Variants in LYPD8 observed in about 807,000 individuals in gnomAD.
The protein encoded by LYPD8 is LY6/PLAUR domain containing 8.
LYPD8 carries 8 observed loss-of-function variants against 1.7 expected under a neutral mutation model. That is an observed-to-expected ratio of 4.58 (90% CI 2.69 to 8.27). The LOEUF (loss-of-function observed/expected upper bound fraction) is 8.27, where lower values mean the gene tolerates loss of function less well. LYPD8 is among the 30% of genes most tolerant of loss of function. The pLI is 0.00. For missense variants in LYPD8, 112 were observed against 102.3 expected, an observed-to-expected ratio of 1.09 and a Z score of -0.41; for synonymous variants, 50 against 43.6, an observed-to-expected ratio of 1.15 and a Z score of -0.58.
rs1163187567 is a variant in LYPD8 at position 248,753,061 on chromosome 1, C to A, written c.-49-1931G>T. Among the ~76,000 whole-genome samples the A allele has an allele frequency of 1.9e-3, 188 of 98,324 alleles. 4 individuals are homozygous for A. The highest frequency in any genetic ancestry group is 8.2e-3 in the African/African-American group (180 of 21,996). The allele number at this position is 98,324 out of a possible 152,430, so 64.5% of individuals were successfully genotyped here. ...CCACACACACATCACACACACACCC[C>A]ACACACCCCACACACCCCACACCAC... On this transcript the variant is annotated intron_variant, in intron 2 of 6. Transcript: ENST00000590317.
At chr1:248,741,076 T>G (rs1553283289) in intron 6 of LYPD8, among the ~76,000 whole-genome samples, 2 of 152,072 alleles carry the variant, frequency 1.3e-5, no homozygotes, top group Non-Finnish European at 2.9e-5. Context: ...ATCGCACCCC[T>G]GCATTCCGGC....
intron 2 of LYPD8, among the ~76,000 whole-genome samples, chr1:248,752,891 CA>C (rs1662838219): frequency 6.1e-5 from 6 of 99,052 alleles, no homozygotes; most frequent in African/African-American, 9.3e-5. Flanking sequence ...ACAACACATA[CA>C]CACATCACAC....
chr1:248,743,170 T>C (rs1662648267), intron 6 of LYPD8, among the ~76,000 whole-genome samples: 1 of 151,994 alleles, frequency 6.6e-6, no homozygotes, highest in Non-Finnish European at 1.5e-5. Context: ...AAAAACAGTA[T>C]AAAGAGGTTC....
At chr1:248,746,026 A>C (rs1388711434) in intron 5 of LYPD8, among the ~76,000 whole-genome samples, 2 of 152,246 alleles carry the variant, frequency 1.3e-5, no homozygotes, top group East Asian at 1.9e-4. Context: ...GTCTTTTATT[A>C]AGTCAGAAAC....
intron 6 of LYPD8, among the ~76,000 whole-genome samples, chr1:248,740,936 C>T (rs1553283274): frequency 6.6e-6 from 1 of 152,172 alleles, no homozygotes; most frequent in Non-Finnish European, 1.5e-5. Context: ...TGAGACCAGA[C>T]TGGGAAACAT....
At chr1:248,743,856 G>T (rs1019598466) in intron 6 of LYPD8, among the ~76,000 whole-genome samples, 6 of 152,210 alleles carry the variant, frequency 3.9e-5, no homozygotes, top group Admixed American at 2.6e-4. Context: ...CCCGGTGAGT[G>T]GGGGCCAGAG....
chr1:248,753,742 C>T (rs1662876837), intron 2 of LYPD8, among the ~76,000 whole-genome samples: 1 of 146,044 alleles, frequency 6.8e-6, no homozygotes, highest in African/African-American at 2.5e-5. Flanking sequence ...ACACCACAGC[C>T]CCCACACAAC....
Position 248,745,263 on chromosome 1 carries a change from G to A in LYPD8, c.354C>T (p.Asn118=), listed in dbSNP as rs1342573437. Reference sequence around the variant, plus strand: ...CAGGGCACTCTGCGTTGCTGGACACGTTCTTCAGGGGAGGGTCTGGAAGAG... The same window carrying A: ...CAGGGCACTCTGCGTTGCTGGACACATTCTTCAGGGGAGGGTCTGGAAGAG... ...TSDALDPPLK[N]VSSNAECPAC... is the part of the protein sequence containing the mutation. Residue 118 remains asparagine (N), a synonymous_variant, in exon 6 of 7, where the codon AAC becomes AAT. Transcript: ENST00000590317. The A allele has an allele frequency of 2.8e-5, 11 of 398,456 alleles. No individual in the cohort carries two copies. Among genetic ancestry groups the A allele is most frequent in the East Asian group, 1.4e-4 (4 of 28,090 alleles). 24.7% of individuals were successfully genotyped at this position (398,456 alleles called of 1,614,324 possible).
chr1:248,744,967 A>G (rs1662705652), intron 6 of LYPD8, among the ~76,000 whole-genome samples, 175 bp downstream of exon 6: 1 of 152,186 alleles, frequency 6.6e-6, no homozygotes. Flanking sequence ...GAAGGCAGCA[A>G]TAGCAGCGAG....
chr1:248,739,967 C>A lies in LYPD8; in HGVS notation c.476-118G>T. The stretch of plus-strand genomic sequence containing the variant: ...CCGGTGACCAGCAAGAGCTGGTGTG[C>A]TCCTGAAGCCCAGGCAGGAAGAAGG... On this transcript the variant is annotated intron_variant, in intron 6 of 6. Transcript: ENST00000590317. This position sits in a 1 kb window ranked among gnomAD's most constrained non-coding sequence, Gnocchi z 4.3. 7.5e-7 allele frequency: 1 copy of A among 1,334,004 alleles called. No homozygotes were observed. Among genetic ancestry groups the A allele is most frequent in the Non-Finnish European group, 1.0e-6 (1 of 982,842 alleles). 82.6% of individuals were successfully genotyped at this position (1,334,004 alleles called of 1,614,324 possible).
At position 248,739,666 on chromosome 1, in the gene LYPD8, G is replaced by T. The variant is rs782775796; in HGVS notation, c.659C>A (p.Ala220Asp). 5.8e-6 allele frequency: 9 copies of T among 1,551,728 alleles called. No homozygotes were observed. In the South Asian group the frequency reaches 1.1e-4, roughly 18 times the overall value. ...GGCAAGGGCCAAGAGGTAGAGGGAA[G>T]CTTTGGAGCCCACGTTGTGGGAAGT... ...PTTSHNVGSKASLYLLALASL... is the reference protein window; with the variant it reads ...PTTSHNVGSKDSLYLLALASL... Residue 220 changes from alanine (A) to aspartate (D), a missense_variant, in exon 7 of 7, where the codon GCT (alanine) becomes GAT (aspartate). Coordinates refer to ENST00000590317, the MANE Select transcript of LYPD8 (RefSeq NM_001085474.2). This position sits in a 1 kb window ranked among gnomAD's most constrained non-coding sequence, Gnocchi z 4.3.
chr1:248,751,375 G>A (rs1019660497), intron 2 of LYPD8, among the ~76,000 whole-genome samples: 1 of 152,178 alleles, frequency 6.6e-6, no homozygotes, highest in South Asian at 2.1e-4. Flanking sequence ...GCCATTTCCC[G>A]TGGAGCCAAT....
At chr1:248,753,780 A>C (rs1006181106) in intron 2 of LYPD8, among the ~76,000 whole-genome samples, 13,826 of 148,062 alleles carry the variant, frequency 0.093, 842 homozygotes, top group East Asian at 0.25. Flanking sequence ...CACACACACC[A>C]CACATCACAT....
intron 4 of LYPD8, among the ~76,000 whole-genome samples, 178 bp downstream of exon 4, chr1:248,750,346 G>T (rs1384594465): frequency 1.3e-5 from 2 of 152,172 alleles, no homozygotes; most frequent in Non-Finnish European, 2.9e-5. Context: ...CTGTGATCTT[G>T]TCTGGCTCCT....
In LYPD8 at chr1:248,739,718, TG is replaced by T; in HGVS notation, c.606del (p.Asn202LysfsTer3). The T allele has an allele frequency of 3.2e-6, 5 of 1,551,714 alleles. No individual in the cohort carries two copies. Among genetic ancestry groups the T allele is most frequent in the Non-Finnish European group, 4.4e-6 (5 of 1,146,988 alleles). ...GTTGGTGCAGACGTGGGGGTTAAGC[TG>T]TTTACATTTGCACACTCAAACTTTC... ...IFRKFECANVNSLTPTSAPTT... is the reference protein window; with the variant it reads ...IFRKFECANVXSLTPTSAPTT... On this transcript the variant is annotated frameshift_variant, in exon 7 of 7. Coordinates refer to ENST00000590317, the MANE Select transcript of LYPD8 (RefSeq NM_001085474.2). LOFTEE classifies it low-confidence loss of function (END_TRUNC). The surrounding 1 kb of genome is among the most constrained non-coding windows in gnomAD (Gnocchi z 4.3).
In LYPD8 at chr1:248,753,537, C is replaced by CACACCA. The variant is rs1572156874; in HGVS notation, c.-50+1701_-50+1702insTGGTGT. 2.0e-3 allele frequency among the ~76,000 whole-genome samples: 242 copies of CACACCA among 119,720 alleles called. 3 individuals are homozygous for CACACCA. The highest frequency in any genetic ancestry group is 4.4e-3 in the East Asian group (14 of 3,212). The allele number at this position is 119,720 out of a possible 152,430, so 78.5% of individuals were successfully genotyped here. A position where few individuals can be genotyped will look rare whatever the true frequency, so the allele number is the denominator to read the frequency against. On this transcript the variant is annotated intron_variant, in intron 2 of 6. Coordinates refer to ENST00000590317, the MANE Select transcript of LYPD8 (RefSeq NM_001085474.2). ...CACATCACACACCCCACACAACACA[C>CACACCA]CACATCACACAAAACACATCACACA... is the stretch of plus-strand genomic sequence containing the variant.
rs1309799311 is a variant in LYPD8, at chr1:248,752,643, C to G, written c.-49-1513G>C. On this transcript the variant is annotated intron_variant, in intron 2 of 6. Coordinates refer to ENST00000590317, the MANE Select transcript of LYPD8 (RefSeq NM_001085474.2). ...ACACACACACACCACACACCCCACA[C>G]AACACACAACACACACCACACACAC... 1.2e-3 allele frequency among the ~76,000 whole-genome samples: 83 copies of G among 67,284 alleles called. 1 individual carries two copies. The highest frequency in any genetic ancestry group is 3.0e-3 in the African/African-American group (79 of 26,478). The allele number at this position is 67,284 out of a possible 152,430, so 44.1% of individuals were successfully genotyped here. A position where few individuals can be genotyped will look rare whatever the true frequency, so the allele number is the denominator to read the frequency against.
intron 2 of LYPD8, among the ~76,000 whole-genome samples, chr1:248,753,004 C>CATCATACACA (rs1662843418): frequency 9.0e-5 from 1 of 11,144 alleles, no homozygotes; most frequent in Non-Finnish European, 3.1e-4. Flanking sequence ...CACAAACACA[C>CATCATACACA]CACATCATAC....
chr1:248,741,152 TG>T (rs1410089904), intron 6 of LYPD8, among the ~76,000 whole-genome samples: 1 of 152,210 alleles, frequency 6.6e-6, no homozygotes, highest in East Asian at 1.9e-4. Context: ...TAAACTTGTT[TG>T]GAAAAGGAGT....
Sources: allele counts gnomAD v4.1 joint callset (sites outside exome capture counted in the v4.1 genomes callset), GRCh38; gene constraint gnomAD v4.1.1; non-coding constraint Gnocchi (gnomAD v3.1); transcripts MANE v1.5; gene names NCBI Gene and HGNC (gene_info 2026-07-23, HGNC 2026-07-21).